Variants in C5orf46 observed in about 807,000 individuals in gnomAD.
The protein encoded by C5orf46 is uncharacterized protein C5orf46.
In C5orf46, 9 loss-of-function variants were observed where a neutral mutation model predicts 8.9. The ratio of observed to expected loss-of-function variants is 1.01; its 90% CI spans 0.61 to 1.76. The LOEUF is 1.76. Among genes scored for constraint, C5orf46 ranks in the 40% most tolerant of loss-of-function variants. The pLI, the probability that C5orf46 is intolerant of heterozygous loss-of-function variation, is 0.00. For missense variants in C5orf46, 98 were observed against 107.8 expected (o/e 0.91, Z 0.40); for synonymous variants, 47 against 41.4 (o/e 1.14, Z -0.52).
chr5:147,888,997 C>T (rs1009925735), downstream of C5orf46, among the ~76,000 whole-genome samples: 1 of 152,016 alleles, frequency 6.6e-6, no homozygotes, highest in African/African-American at 2.4e-5. Flanking sequence ...TGTCCATTAG[C>T]ATTTTTTAAA....
At chr5:147,887,309 T>G (rs1757437737) in intron 2 of C5orf46, 2 of 152,142 alleles carry the variant, frequency 1.3e-5, no homozygotes, top group South Asian at 4.1e-4. Flanking sequence ...CACCTTCTAT[T>G]GCATTAAATT....
chr5:147,886,817 A>G (rs1353464354), intron 2 of C5orf46: 1 of 152,126 alleles, frequency 6.6e-6, no homozygotes, highest in East Asian at 1.9e-4. Flanking sequence ...TATTTTGCAT[A>G]CATTTTTGTC....
chr5:147,899,589 A>T (rs568779674), intron 2 of C5orf46, among the ~76,000 whole-genome samples: 8 of 152,336 alleles, frequency 5.3e-5, no homozygotes, highest in African/African-American at 1.9e-4. Context: ...TGCTCTTGCA[A>T]CCAGTCAGGT....
intron 2 of C5orf46, among the ~76,000 whole-genome samples, chr5:147,899,101 C>G (rs186508247): frequency 6.6e-6 from 1 of 152,158 alleles, no homozygotes; most frequent in Non-Finnish European, 1.5e-5. Flanking sequence ...AAACACTTCC[C>G]TAAGCACACT....
At chr5:147,903,939 G>T (rs187361031) in intron 1 of C5orf46, among the ~76,000 whole-genome samples, 1 of 151,984 alleles carries the variant, frequency 6.6e-6, no homozygotes, top group Non-Finnish European at 1.5e-5. Context: ...GTAGAGACGG[G>T]GTTTCGCCAT....
At chr5:147,896,838 AT>A (rs1271681362) in intron 3 of C5orf46, 145 bp downstream of exon 3, 4 of 431,090 alleles carry the variant, frequency 9.3e-6, no homozygotes, top group Non-Finnish European at 1.3e-5. Flanking sequence ...CATGAAAAAA[AT>A]ATATTCATTT....
intron 3 of C5orf46, among the ~76,000 whole-genome samples, chr5:147,893,512 C>T (rs1459955285): frequency 6.6e-6 from 1 of 151,580 alleles, no homozygotes; most frequent in Non-Finnish European, 1.5e-5. Flanking sequence ...TCTCGATCTC[C>T]TGATCTCATG....
rs367847762 is a variant in C5orf46 at position 147,903,983 on chromosome 5, A to G, written c.71-2210T>C. On this transcript the variant is annotated intron_variant, in intron 1 of 3. Transcript: ENST00000318315. ...GGCTGGTCTCGAACTCCTGGGCTTG[A>G]GTGATCTGCCCACGTCGGCCTCCTG... Among the ~76,000 whole-genome samples, 8 of 152,052 alleles carry G rather than the reference A, an allele frequency of 5.3e-5. No individual in the cohort carries two copies. In the South Asian group the frequency reaches 8.3e-4, roughly 16 times the overall value.
At chr5:147,896,712 G>A (rs1008968906) in intron 3 of C5orf46, among the ~76,000 whole-genome samples, 1 of 152,116 alleles carries the variant, frequency 6.6e-6, no homozygotes, top group African/African-American at 2.4e-5. Flanking sequence ...CTTGTACAAA[G>A]CAAGTTCCTA....
rs776341983 is a variant in C5orf46, at chr5:147,906,527, G to A, written c.-26C>T. 6.4e-7 allele frequency: 1 copy of A among 1,559,844 alleles called. No individual in the cohort carries two copies. The highest frequency in any genetic ancestry group is 8.8e-7 in the Non-Finnish European group (1 of 1,132,330). ...TCTGGTAGCACGGGGTATTCGTGCA[G>A]ATAAATTGTTCAGATACATGTGAAA... is the stretch of plus-strand genomic sequence containing the variant. On this transcript the variant is annotated 5_prime_UTR_variant, in exon 1 of 4. Transcript: ENST00000318315.
chr5:147,903,707 T>A lies in C5orf46; in HGVS notation c.71-1934A>T, dbSNP rs538928933. Among the ~76,000 whole-genome samples, 69 of 152,284 alleles carry A rather than the reference T, an allele frequency of 4.5e-4. 2 individuals carry two copies. Among genetic ancestry groups the A allele is most frequent in the Admixed American group, 5.2e-4 (8 of 15,294 alleles). ...AATCATCACCTATTCATATATCCAA[T>A]GATTGGTTCCTTCATTCAAAAAGTA... is the stretch of plus-strand genomic sequence containing the variant. On this transcript the variant is annotated intron_variant, in intron 1 of 3. Coordinates refer to ENST00000318315, the MANE Select transcript of C5orf46 (RefSeq NM_206966.3).
chr5:147,895,850 A>G (rs1465350029), intron 3 of C5orf46, among the ~76,000 whole-genome samples: 1 of 152,124 alleles, frequency 6.6e-6, no homozygotes, highest in African/African-American at 2.4e-5. Flanking sequence ...GCATGTTTTG[A>G]TTTCAATGCC....
At chr5:147,896,321 T>C (rs1273323595) in intron 3 of C5orf46, among the ~76,000 whole-genome samples, 1 of 152,150 alleles carries the variant, frequency 6.6e-6, no homozygotes, top group Non-Finnish European at 1.5e-5. Flanking sequence ...TTAAGAATAA[T>C]AATATCTATT....
intron 1 of C5orf46, among the ~76,000 whole-genome samples, chr5:147,903,263 G>A (rs1435524081): frequency 6.6e-6 from 1 of 152,182 alleles, no homozygotes; most frequent in African/African-American, 2.4e-5. Flanking sequence ...TAAAAATACA[G>A]GATGCCTAGT....
rs112629955 is a variant in C5orf46, at chr5:147,893,907, A to ATTTTT, written c.*10-973_*10-969dup. On this transcript the variant is annotated intron_variant, in intron 3 of 3. Transcript: ENST00000318315. ...AGGAATCTGACTTTAGGGAAGGCATATTTTTTTTTTTTTTGCCTGATTTCT... is the reference window on the plus strand; with the variant it reads ...AGGAATCTGACTTTAGGGAAGGCATATTTTTTTTTTTTTTTTTTTGCCTGATTTCT... 3.2e-3 allele frequency among the ~76,000 whole-genome samples: 464 copies of ATTTTT among 142,856 alleles called. 2 individuals carry two copies. The highest frequency in any genetic ancestry group is 0.011 in the African/African-American group (447 of 39,762). The allele number at this position is 142,856 out of a possible 152,430, so 93.7% of individuals were successfully genotyped here. A position where few individuals can be genotyped will look rare whatever the true frequency, so the allele number is the denominator to read the frequency against.
At chr5:147,895,479 A>G (rs1327340980) in intron 3 of C5orf46, among the ~76,000 whole-genome samples, 1 of 152,202 alleles carries the variant, frequency 6.6e-6, no homozygotes, top group East Asian at 1.9e-4. Context: ...TCATAAGGAG[A>G]AAAGTGGGGC....
intron 3 of C5orf46, among the ~76,000 whole-genome samples, chr5:147,893,995 A>G (rs933719812): frequency 6.6e-6 from 1 of 151,998 alleles, no homozygotes; most frequent in Admixed American, 6.5e-5. Flanking sequence ...GGCCACGGGC[A>G]ATTTTGCTTA....
downstream of C5orf46, among the ~76,000 whole-genome samples, chr5:147,891,461 C>A (rs11951159): frequency 7.9e-5 from 12 of 152,082 alleles, no homozygotes; most frequent in Non-Finnish European, 5.9e-5. Flanking sequence ...TCTTTGTCAG[C>A]GACCCGTTAG....
downstream of C5orf46, among the ~76,000 whole-genome samples, chr5:147,892,521 T>C (rs1757517596): frequency 6.6e-6 from 1 of 152,194 alleles, no homozygotes; most frequent in Non-Finnish European, 1.5e-5. Flanking sequence ...TTTAATCCTC[T>C]TTCTGTCACT....
Sources: allele counts gnomAD v4.1 joint callset (sites outside exome capture counted in the v4.1 genomes callset), GRCh38; gene constraint gnomAD v4.1.1; transcripts MANE v1.5; gene names NCBI Gene and HGNC (gene_info 2026-07-23, HGNC 2026-07-21).